Variants in ADGRL2 observed in about 807,000 individuals in gnomAD.
ADGRL2 encodes adhesion G protein-coupled receptor L2.
In ADGRL2, 44 loss-of-function variants were observed where a neutral mutation model predicts 157.4. The ratio of observed to expected loss-of-function variants is 0.28; its 90% CI spans 0.22 to 0.36. The LOEUF (loss-of-function observed/expected upper bound fraction) is 0.36, where lower values mean the gene tolerates loss of function less well. ADGRL2 is among the 10% of genes least tolerant of loss of function. The pLI is 1.00. For missense variants in ADGRL2, 1,510 were observed against 1,768.9 expected (o/e 0.85, Z 2.63); for synonymous variants, 585 against 624.7 (o/e 0.94, Z 0.95).
intron 2 of ADGRL2, among the ~76,000 whole-genome samples, chr1:81,858,808 C>T (rs2093294177): frequency 6.6e-6 from 1 of 152,032 alleles, no homozygotes; most frequent in South Asian, 2.1e-4. Flanking sequence ...CCATTTTTTC[C>T]CGGATGTAAT....
intron 19 of ADGRL2, chr1:81,984,361 T>G (rs951791029): frequency 1.0e-4 from 41 of 391,676 alleles, no homozygotes; most frequent in Middle Eastern, 6.7e-4. Context: ...TATATCACAT[T>G]TTAAAGACTC....
rs1393508815 is a variant in ADGRL2 at position 81,521,175 on chromosome 1, A to G, written c.-247-59701A>G. ...AAGTAAAGAACATGCAGAGGGAAAC[A>G]CATGGCAGCTGATGAATCCATATCT... On this transcript the variant is annotated intron_variant, in intron 2 of 24. Coordinates refer to the ADGRL2 transcript ENST00000370721. Among the ~76,000 whole-genome samples the G allele has an allele frequency of 2.0e-5, 3 of 152,204 alleles. No individual in the cohort carries two copies. In the East Asian group the frequency reaches 5.8e-4, roughly 29 times the overall value.
intron 1 of ADGRL2, among the ~76,000 whole-genome samples, chr1:81,400,603 G>A (rs2076735846): frequency 6.6e-6 from 1 of 152,032 alleles, no homozygotes; most frequent in Admixed American, 6.6e-5. Context: ...TGGGTCACAG[G>A]GGATGAAGTG....
intron 3 of ADGRL2, among the ~76,000 whole-genome samples, chr1:81,916,702 T>C (rs2094862831): frequency 6.6e-6 from 1 of 152,060 alleles, no homozygotes; most frequent in African/African-American, 2.4e-5. Context: ...CACTGAAATA[T>C]GCTGTTTATT....
intron 2 of ADGRL2, among the ~76,000 whole-genome samples, chr1:81,559,851 T>C (rs751600373): frequency 1.3e-5 from 2 of 152,200 alleles, no homozygotes; most frequent in African/African-American, 2.4e-5. Flanking sequence ...GGGCATTATG[T>C]ACATCATAAA....
At chr1:81,495,296 C>T (rs1169148582) in intron 2 of ADGRL2, among the ~76,000 whole-genome samples, 1 of 152,036 alleles carries the variant, frequency 6.6e-6, no homozygotes, top group Non-Finnish European at 1.5e-5. Flanking sequence ...CTCCCTTCTC[C>T]CAAAATGTGA....
chr1:81,597,323 A>G (rs2081254973), intron 3 of ADGRL2, among the ~76,000 whole-genome samples: 1 of 152,182 alleles, frequency 6.6e-6, no homozygotes, highest in African/African-American at 2.4e-5. Context: ...GCTTACCACC[A>G]ATGAATTATA....
At chr1:81,519,671 T>A (rs1413905484) in intron 2 of ADGRL2, among the ~76,000 whole-genome samples, 1 of 152,188 alleles carries the variant, frequency 6.6e-6, no homozygotes, top group Non-Finnish European at 1.5e-5. Flanking sequence ...TCAAATGGCA[T>A]CTCTTTTGAT....
At chr1:81,857,071 T>G (rs185234721) in intron 2 of ADGRL2, among the ~76,000 whole-genome samples, 1 of 152,294 alleles carries the variant, frequency 6.6e-6, no homozygotes, top group Admixed American at 6.5e-5. Context: ...TGCTTTTTAT[T>G]CATTGTCCTG....
At chr1:81,449,880 T>C (rs1235941902) in intron 2 of ADGRL2, among the ~76,000 whole-genome samples, 1 of 152,190 alleles carries the variant, frequency 6.6e-6, no homozygotes, top group Non-Finnish European at 1.5e-5. Context: ...CATGAGACAC[T>C]GTGCTTGGCT....
chr1:81,888,671 C>T (rs1272481787), intron 2 of ADGRL2, among the ~76,000 whole-genome samples: 1 of 152,096 alleles, frequency 6.6e-6, no homozygotes, highest in Non-Finnish European at 1.5e-5. Context: ...CCAGGATGTT[C>T]TCGATCTCCT....
chr1:81,350,134 G>A (rs1370555717), intron 1 of ADGRL2, among the ~76,000 whole-genome samples: 2 of 152,068 alleles, frequency 1.3e-5, no homozygotes, highest in Non-Finnish European at 2.9e-5. Context: ...AGTTGATTGT[G>A]ATTTTAGGGA....
rs537335799 is a variant in ADGRL2 at position 81,448,988 on chromosome 1, A to G, written c.-248+3899A>G. ...AAAATTAACATATACAAAAATAGAT[A>G]TTAGTACCAGAAAAAGTATACATAT... On this transcript the variant is annotated intron_variant, in intron 2 of 24. Coordinates refer to the ADGRL2 transcript ENST00000370721. Among the ~76,000 whole-genome samples the G allele has an allele frequency of 5.9e-5, 9 of 152,346 alleles. No individual in the cohort carries two copies. In the East Asian group the frequency reaches 1.7e-3, roughly 29 times the overall value.
At chr1:81,442,148 A>G (rs1490729709) in intron 1 of ADGRL2, among the ~76,000 whole-genome samples, 3 of 152,222 alleles carry the variant, frequency 2.0e-5, no homozygotes, top group African/African-American at 7.2e-5. Flanking sequence ...TATGTATCTA[A>G]GCTCTCTAGA....
intron 1 of ADGRL2, among the ~76,000 whole-genome samples, chr1:81,390,414 G>T (rs1194693185): frequency 2.6e-5 from 4 of 152,306 alleles, no homozygotes; most frequent in Non-Finnish European, 5.9e-5. Flanking sequence ...TTAGCCATTG[G>T]TATAACATAT....
At chr1:81,626,116 C>G (rs1553132054) in intron 3 of ADGRL2, among the ~76,000 whole-genome samples, 1 of 152,086 alleles carries the variant, frequency 6.6e-6, no homozygotes, top group Non-Finnish European at 1.5e-5. Context: ...CTTCAACACT[C>G]TGTCACAAAG....
At chr1:81,362,442 G>A (rs1376960020) in intron 1 of ADGRL2, among the ~76,000 whole-genome samples, 1 of 151,592 alleles carries the variant, frequency 6.6e-6, no homozygotes, top group African/African-American at 2.4e-5. Flanking sequence ...GAAATGCAAA[G>A]AAACTTTAGT....
intron 1 of ADGRL2, among the ~76,000 whole-genome samples, chr1:81,319,451 G>A (rs10874216): frequency 0.44 from 67,378 of 151,860 alleles, 15,337 homozygotes; most frequent in Middle Eastern, 0.55. Flanking sequence ...GAAAGGCTGT[G>A]AAATATGCAG....
chr1:81,419,066 AC>A (rs1382451241), intron 1 of ADGRL2, among the ~76,000 whole-genome samples: 1 of 152,228 alleles, frequency 6.6e-6, no homozygotes, highest in African/African-American at 2.4e-5. Flanking sequence ...AAGCAGCAGA[AC>A]TAAAGCTCAA....
Sources: gnomAD v4.1 joint callset for allele counts (sites outside exome capture counted in the v4.1 genomes callset) on GRCh38, gnomAD v4.1.1 for gene constraint, MANE v1.5 for transcripts, NCBI Gene and HGNC (gene_info 2026-07-23, HGNC 2026-07-21) for gene names.